The following LHX5 variants were observed in gnomAD, a reference collection of about 807,000 sequenced individuals.
The protein encoded by LHX5 is LIM homeobox 5, also known as LIM/homeobox protein Lhx5.
In LHX5, 5 loss-of-function variants were observed where a neutral mutation model predicts 30.6. The observed-to-expected ratio is 0.16, with a 90% CI of 0.09 to 0.34. The LOEUF (loss-of-function observed/expected upper bound fraction) is 0.34, where lower values mean the gene tolerates loss of function less well. Ranked by LOEUF, LHX5 falls within the 10% of genes least tolerant of loss-of-function variation. The pLI is 1.00. For synonymous variants in LHX5, 266 were observed against 252.6 expected, an observed-to-expected ratio of 1.05 and a Z score of -0.50; for missense variants, 458 against 570.6, an observed-to-expected ratio of 0.80 and a Z score of 2.01.
Position 113,469,135 on chromosome 12 carries a change from G to A in LHX5, c.384C>T (p.Gly128=). 1 of 1,613,172 alleles carries A rather than the reference G, an allele frequency of 6.2e-7. No homozygotes were observed. The highest frequency in any genetic ancestry group is 8.5e-7 in the Non-Finnish European group (1 of 1,179,530). The change falls in exon 2 of 5, where the codon GGC becomes GGT. Residue 128 remains glycine (G), a synonymous_variant. Coordinates refer to ENST00000261731, the MANE Select transcript of LHX5 (RefSeq NM_022363.3). ...CAGGCTTCCTACCTGAGTTGAGGCT[G>A]CCCTCCTTGAGGCTGGATGAGCTCA... ...DYLSSSSLKE[G]SLNSVSSCTD... is the part of the protein sequence containing the mutation.
At position 113,468,177 on chromosome 12, in the gene LHX5, T is replaced by C. The variant is rs1429146161; in HGVS notation, c.625A>G (p.Ile209Val). 1.9e-6 allele frequency: 3 copies of C among 1,611,516 alleles called. No homozygotes were observed. The highest frequency in any genetic ancestry group is 4.5e-5 in the East Asian group (2 of 44,814). Residue 209 changes from isoleucine (I) to valine (V), a missense_variant, in exon 3 of 5, where the codon ATC (isoleucine) becomes GTC (valine). Transcript: ENST00000261731. ...GTCTCCTGCGCCAGCTGCTCGCGGA[T>C]GTGGCGCGTGGGCTTGGGCGTGGCG... is the stretch of plus-strand genomic sequence containing the variant. ...FAATPKPTRHIREQLAQETGL... is the reference protein window; with the variant it reads ...FAATPKPTRHVREQLAQETGL...
At position 113,469,481 on chromosome 12, in the gene LHX5, C is replaced by T. The variant is rs147950426; in HGVS notation, c.174-136G>A. On this transcript the variant is annotated intron_variant, in intron 1 of 4. Transcript: ENST00000261731. ...TGTCAAACGGAACCCCAATCCTGAG[C>T]GCTCTGGCCAGAGTGGGAGAAGTGG... is the stretch of plus-strand genomic sequence containing the variant. The T allele has an allele frequency of 1.0e-3, 786 of 753,296 alleles. 3 individuals are homozygous for T. The highest frequency in any genetic ancestry group is 6.4e-4 in the Non-Finnish European group (304 of 471,952). The allele number at this position is 753,296 out of a possible 1,614,324, so 46.7% of individuals were successfully genotyped here.
intron 1 of LHX5, among the ~76,000 whole-genome samples, chr12:113,469,927 C>G (rs991957269): frequency 1.4e-4 from 21 of 152,246 alleles, no homozygotes; most frequent in African/African-American, 4.8e-4. Flanking sequence ...CAATCCACCG[C>G]TCTGGGACCC....
At position 113,463,286 on chromosome 12, in the gene LHX5, G is replaced by T; in HGVS notation, c.1113C>A (p.Gly371=). 1 of 1,527,300 alleles carries T rather than the reference G, an allele frequency of 6.5e-7. No individual in the cohort carries two copies. The highest frequency in any genetic ancestry group is 8.8e-7 in the Non-Finnish European group (1 of 1,140,842). 94.6% of individuals were successfully genotyped at this position (1,527,300 alleles called of 1,614,324 possible). Residue 371 remains glycine (G), a synonymous_variant, in exon 5 of 5, where the codon GGC becomes GGA. Coordinates refer to ENST00000261731, the MANE Select transcript of LHX5 (RefSeq NM_022363.3). The surrounding 1 kb of genome is among the most constrained non-coding windows in gnomAD (Gnocchi z 6.7). ...LHPMPGEVFS[G]GPSPPFPMSG... is the part of the protein sequence containing the mutation. ...TCATTGGGAAGGGCGGGCTGGGCCC[G>T]CCGCTGAATACCTCGCCGGGCATGG...
chr12:113,471,233 C>A, intron 1 of LHX5, 93 bp downstream of exon 1: 1 of 1,326,516 alleles, frequency 7.5e-7, no homozygotes, highest in East Asian at 2.4e-5. Context: ...TCCGGGGAGG[C>A]TGGGATGGGG....
rs1461971842 is a variant in LHX5 at position 113,471,854 on chromosome 12, G to C, written c.-356C>G. 3 of 274,440 alleles carry C rather than the reference G, an allele frequency of 1.1e-5. No individual in the cohort carries two copies. Among genetic ancestry groups the C allele is most frequent in the Non-Finnish European group, 2.0e-5 (3 of 147,402 alleles). The allele number at this position is 274,440 out of a possible 1,614,324, so 17.0% of individuals were successfully genotyped here. On this transcript the variant is annotated 5_prime_UTR_variant, in exon 1 of 5. Coordinates refer to ENST00000261731, the MANE Select transcript of LHX5 (RefSeq NM_022363.3). ...ACTTTCCCCCACTTTCAAGCGGTCC[G>C]GATCCTCATCTTTGTCTGGTCGCCG...
In LHX5 at chr12:113,467,018, C is replaced by G. The variant is rs1593327794; in HGVS notation, c.841+238G>C. 6.6e-6 allele frequency among the ~76,000 whole-genome samples: 1 copy of G among 151,056 alleles called. No homozygotes were observed. Among genetic ancestry groups the G allele is most frequent in the African/African-American group, 2.4e-5 (1 of 40,962 alleles). On this transcript the variant is annotated intron_variant, in intron 4 of 4. Coordinates refer to ENST00000261731, the MANE Select transcript of LHX5 (RefSeq NM_022363.3). This position sits in a 1 kb window ranked among gnomAD's most constrained non-coding sequence, Gnocchi z 6.3. ...AAGTGTGAGTGCACCTTGTGCCCTG[C>G]GTGGGTGAATGTGTCACTGTATCTC...
At position 113,464,805 on chromosome 12, in the gene LHX5, A is replaced by T. The variant is rs1315033108; in HGVS notation, c.842-1248T>A. 6.6e-6 allele frequency among the ~76,000 whole-genome samples: 1 copy of T among 152,166 alleles called. No individual in the cohort carries two copies. The highest frequency in any genetic ancestry group is 1.5e-5 in the Non-Finnish European group (1 of 68,012). On this transcript the variant is annotated intron_variant, in intron 4 of 4. Coordinates refer to ENST00000261731, the MANE Select transcript of LHX5 (RefSeq NM_022363.3). This position sits in a 1 kb window ranked among gnomAD's most constrained non-coding sequence, Gnocchi z 6.2. Reference sequence around the variant, plus strand: ...TGAGAATTTTGCCCATAAATTCAGGAGGTGTAGGGACTCCGGATTGCAAAC... The same window carrying T: ...TGAGAATTTTGCCCATAAATTCAGGTGGTGTAGGGACTCCGGATTGCAAAC...
rs192424975 is a variant in LHX5 at position 113,470,064 on chromosome 12, A to G, written c.174-719T>C. 1.7e-3 allele frequency among the ~76,000 whole-genome samples: 262 copies of G among 152,348 alleles called. 2 individuals are homozygous for G. The highest frequency in any genetic ancestry group is 6.2e-3 in the African/African-American group (256 of 41,582). Reference sequence around the variant, plus strand: ...AGCAGGGGAATGTGAATAGAGGACAATCATAGATCCTGCAAGGCCAGGACA... The same window carrying G: ...AGCAGGGGAATGTGAATAGAGGACAGTCATAGATCCTGCAAGGCCAGGACA... On this transcript the variant is annotated intron_variant, in intron 1 of 4. Coordinates refer to ENST00000261731, the MANE Select transcript of LHX5 (RefSeq NM_022363.3).
Position 113,468,096 on chromosome 12 carries a change from G to A in LHX5, c.675+31C>T, listed in dbSNP as rs1479600297. 3.3e-6 allele frequency: 5 copies of A among 1,502,750 alleles called. No individual in the cohort carries two copies. The African/African-American group carries it at 6.9e-5, about 21-fold the overall frequency. 93.1% of individuals were successfully genotyped at this position (1,502,750 alleles called of 1,614,324 possible). A position where few individuals can be genotyped will look rare whatever the true frequency, so the allele number is the denominator to read the frequency against. ...GGCTCCCGGCTCCCAGGCCAGCGGGGCTAAGGAGCTGTGCCCGCCCCGGGC... is the reference window on the plus strand; with the variant it reads ...GGCTCCCGGCTCCCAGGCCAGCGGGACTAAGGAGCTGTGCCCGCCCCGGGC... On this transcript the variant is annotated intron_variant, in intron 3 of 4. Transcript: ENST00000261731.
At position 113,463,291 on chromosome 12, in the gene LHX5, T is replaced by A. The variant is rs1958188694; in HGVS notation, c.1108A>T (p.Ser370Cys). 2 of 1,529,212 alleles carry A rather than the reference T, an allele frequency of 1.3e-6. No individual in the cohort carries two copies. The highest frequency in any genetic ancestry group is 1.8e-6 in the Non-Finnish European group (2 of 1,141,266). The allele number at this position is 1,529,212 out of a possible 1,614,324, so 94.7% of individuals were successfully genotyped here. The part of the protein sequence containing the change: ...TLHPMPGEVF[S>C]GGPSPPFPMS... ...GGGAAGGGCGGGCTGGGCCCGCCGC[T>A]GAATACCTCGCCGGGCATGGGGTGC... The change falls in exon 5 of 5, where the codon AGC becomes TGC. Residue 370 changes from serine (S) to cysteine (C), a missense_variant. Transcript: ENST00000261731. The surrounding 1 kb of genome is among the most constrained non-coding windows in gnomAD (Gnocchi z 6.7).
rs1958215823 is a variant in LHX5, at chr12:113,466,482, G to T, written c.841+774C>A. ...CATCTGAAGCCCTTTGTAAACTGGGGCTCCTCGCTCTCTGCAGCCCCAAAG... is the reference window on the plus strand; with the variant it reads ...CATCTGAAGCCCTTTGTAAACTGGGTCTCCTCGCTCTCTGCAGCCCCAAAG... On this transcript the variant is annotated intron_variant, in intron 4 of 4. Transcript: ENST00000261731. This position sits in a 1 kb window ranked among gnomAD's most constrained non-coding sequence, Gnocchi z 6.5. Among the ~76,000 whole-genome samples, 1 of 152,164 alleles carries T rather than the reference G, an allele frequency of 6.6e-6. No individual in the cohort carries two copies.
In LHX5 at chr12:113,462,875, G is replaced by A. The variant is rs964128643; in HGVS notation, c.*315C>T. 1 of 226,600 alleles carries A rather than the reference G, an allele frequency of 4.4e-6. No homozygotes were observed. Among genetic ancestry groups the A allele is most frequent in the Non-Finnish European group, 8.6e-6 (1 of 116,464 alleles). 14.0% of individuals were successfully genotyped at this position (226,600 alleles called of 1,614,324 possible). ...TGGCTGGGTGGGTGGGTGGGGGCCCGGGGAAAGTCTAGAGCGTGCTCGAAA... is the reference window on the plus strand; with the variant it reads ...TGGCTGGGTGGGTGGGTGGGGGCCCAGGGAAAGTCTAGAGCGTGCTCGAAA... On this transcript the variant is annotated 3_prime_UTR_variant, in exon 5 of 5. Transcript: ENST00000261731.
Position 113,467,281 on chromosome 12 carries a change from C to T in LHX5, c.816G>A (p.Gly272=), listed in dbSNP as rs887756726. 6.6e-7 allele frequency: 1 copy of T among 1,526,570 alleles called. No homozygotes were observed. Among genetic ancestry groups the T allele is most frequent in the Non-Finnish European group, 8.9e-7 (1 of 1,128,310 alleles). 94.6% of individuals were successfully genotyped at this position (1,526,570 alleles called of 1,614,324 possible). Residue 272 remains glycine (G), a synonymous_variant, in exon 4 of 5, where the codon GGG becomes GGA. Coordinates refer to ENST00000261731, the MANE Select transcript of LHX5 (RefSeq NM_022363.3). The surrounding 1 kb of genome is among the most constrained non-coding windows in gnomAD (Gnocchi z 6.3). The stretch of plus-strand genomic sequence containing the variant: ...CTCCGTAGTAGGTGTACGGGGTGGA[C>T]CCCAACATCTCAGACTCGTCCAAGC... ...GGRLDESEML[G]STPYTYYGDY... is the part of the protein sequence containing the mutation.
At position 113,463,395 on chromosome 12, in the gene LHX5, G is replaced by A. The variant is rs747350759; in HGVS notation, c.1004C>T (p.Ala335Val). 1.0e-4 allele frequency: 163 copies of A among 1,555,118 alleles called. No individual in the cohort carries two copies. The highest frequency in any genetic ancestry group is 1.4e-4 in the Non-Finnish European group (156 of 1,151,966). Residue 335 changes from alanine (A) to valine (V), a missense_variant, in exon 5 of 5, where the codon GCC becomes GTC. Physicochemically the swap from Ala to Val is moderately conservative, Grantham distance 64. This residue lies in a region of LHX5 where 255 missense variants were observed against 246.8 expected (regional missense o/e 1.03). Transcript: ENST00000261731. The surrounding 1 kb of genome is among the most constrained non-coding windows in gnomAD (Gnocchi z 6.7). Reference protein sequence around the residue: ...ALEPPLAGPHAADNPRFTDMI... With the variant: ...ALEPPLAGPHVADNPRFTDMI... ...GTCGGTGAACCTGGGGTTGTCCGCG[G>A]CGTGCGGGCCGGCGAGCGGCGGTTC...
chr12:113,468,282 G>T lies in LHX5; in HGVS notation c.520C>A (p.Gln174Lys). Reference protein sequence around the residue: ...KETANNENEEQNSGTKRRGPR... With the variant: ...KETANNENEEKNSGTKRRGPR... The stretch of plus-strand genomic sequence containing the variant: ...CCGCGCCGCTTGGTGCCCGAGTTCT[G>T]CTCCTCGTTCTCGTTGTTGGCCGTC... Residue 174 changes from glutamine to lysine, a missense_variant, in exon 3 of 5, where the codon CAG becomes AAG. Physicochemically the swap from Gln to Lys is moderately conservative, Grantham distance 53. Coordinates refer to ENST00000261731, the MANE Select transcript of LHX5 (RefSeq NM_022363.3). 2 of 1,614,152 alleles carry T rather than the reference G, an allele frequency of 1.2e-6. No homozygotes were observed. Among genetic ancestry groups the T allele is most frequent in the East Asian group, 4.5e-5 (2 of 44,876 alleles).
Position 113,469,248 on chromosome 12 carries a change from T to C in LHX5, c.271A>G (p.Thr91Ala). The C allele has an allele frequency of 1.9e-6, 3 of 1,614,196 alleles. No individual in the cohort carries two copies. Among genetic ancestry groups the C allele is most frequent in the Non-Finnish European group, 2.5e-6 (3 of 1,180,028 alleles). The change falls in exon 2 of 5, where the codon ACC becomes GCC. Residue 91 changes from threonine to alanine, a missense_variant. By Grantham distance (58) the Thr-to-Ala change is moderately conservative. This residue lies in a region of LHX5 where 178 missense variants were observed against 238.5 expected (regional missense o/e 0.75). Transcript: ENST00000261731. ...AGCTGCTTGTTACACACCATGCAGG[T>C]GAAACAGTTGAGGTGAAAGACTTTG... ...RSKVFHLNCF[T>A]CMVCNKQLST... is the part of the protein sequence containing the mutation.
chr12:113,469,654 A>G (rs1958235673), intron 1 of LHX5, among the ~76,000 whole-genome samples: 1 of 152,120 alleles, frequency 6.6e-6, no homozygotes. Flanking sequence ...TCCTCCCCCA[A>G]ACCCAACCCC....
At position 113,463,649 on chromosome 12, in the gene LHX5, CGA is replaced by C; in HGVS notation, c.842-94_842-93del. 7.4e-7 allele frequency: 1 copy of C among 1,352,382 alleles called. No homozygotes were observed. Among genetic ancestry groups the C allele is most frequent in the Non-Finnish European group, 9.8e-7 (1 of 1,023,318 alleles). The allele number at this position is 1,352,382 out of a possible 1,614,324, so 83.8% of individuals were successfully genotyped here. On this transcript the variant is annotated intron_variant, in intron 4 of 4. Transcript: ENST00000261731. This position sits in a 1 kb window ranked among gnomAD's most constrained non-coding sequence, Gnocchi z 6.7. The stretch of plus-strand genomic sequence containing the variant: ...GACCCGGGGAGGGGACCCGGGCGGG[CGA>C]GAGAGGGGAGCGCGCGACACCGACC...
Sources: gnomAD v4.1 joint callset for allele counts (sites outside exome capture counted in the v4.1 genomes callset) on GRCh38, gnomAD v4.1.1 for gene constraint, gnomAD v4.1.1 regional missense constraint, Gnocchi (gnomAD v3.1) non-coding constraint, MANE v1.5 for transcripts, NCBI Gene and HGNC (gene_info 2026-07-23, HGNC 2026-07-21) for gene names.